CHD7: variants seen among roughly 807,000 people sequenced by gnomAD.
CHD7 encodes the protein ATP-dependent chromatin remodeler CHD7.
Under a neutral mutation model 307.3 loss-of-function variants are expected in CHD7, and 24 were observed. That is an observed-to-expected ratio of 0.08 (90% CI 0.06 to 0.11). CHD7 has a LOEUF of 0.11. Among genes scored for constraint, CHD7 ranks in the 10% least tolerant of loss-of-function variants. The pLI, the probability that CHD7 is intolerant of heterozygous loss-of-function variation, is 1.00. For missense variants in CHD7, 3,106 were observed against 3,727.1 expected, an observed-to-expected ratio of 0.83 and a Z score of 4.34; for synonymous variants, 1,363 against 1,349.9, an observed-to-expected ratio of 1.01 and a Z score of -0.21.
In CHD7 at chr8:60,856,547, A is replaced by G. The variant is rs1293236067; in HGVS notation, c.7267A>G (p.Met2423Val). Reference sequence around the variant, plus strand: ...TGCCAAGAGGCGAAATCTCATGGAGATGGTTGCCCAGCTTCGAGAGTCTCA... The same window carrying G: ...TGCCAAGAGGCGAAATCTCATGGAGGTGGTTGCCCAGCTTCGAGAGTCTCA... ...RAAKRRNLME[M>V]VAQLRESQVV... Residue 2423 changes from methionine (M) to valine (V), a missense_variant, in exon 34 of 38, where the codon ATG becomes GTG. Transcript: ENST00000423902. 1.2e-6 allele frequency: 2 copies of G among 1,614,022 alleles called. No homozygotes were observed. The highest frequency in any genetic ancestry group is 1.6e-4 in the Middle Eastern group (1 of 6,062).
chr8:60,836,340 G>T (rs569332819), intron 16 of CHD7, 57 bp downstream of exon 16: 7 of 1,378,276 alleles, frequency 5.1e-6, no homozygotes, highest in African/African-American at 1.4e-5. Context: ...CTTCCCAGGG[G>T]TCCAAGCAGT....
intron 2 of CHD7, among the ~76,000 whole-genome samples, chr8:60,774,531 C>T (rs1333730504): frequency 6.6e-6 from 1 of 152,192 alleles, no homozygotes; most frequent in Admixed American, 6.5e-5. Flanking sequence ...TTTGCTGGCC[C>T]AGCAGCGTGG....
In CHD7 at chr8:60,745,057, A is replaced by AACC. The variant is rs753403851; in HGVS notation, c.1665+1964_1665+1966dup. 6.6e-4 allele frequency among the ~76,000 whole-genome samples: 100 copies of AACC among 150,912 alleles called. No homozygotes were observed. In the Middle Eastern group the frequency reaches 0.014, roughly 21 times the overall value. On this transcript the variant is annotated intron_variant, in intron 2 of 37. Coordinates refer to ENST00000423902, the MANE Select transcript of CHD7 (RefSeq NM_017780.4). ...CTGAAGACCTTGGTGATCCTCATATAACCACCCTTGGTGATTCTTATATAA... is the reference window on the plus strand; with the variant it reads ...CTGAAGACCTTGGTGATCCTCATATAACCACCACCCTTGGTGATTCTTATATAA...
chr8:60,788,932 G>A (rs1811637321), intron 3 of CHD7, among the ~76,000 whole-genome samples: 1 of 152,002 alleles, frequency 6.6e-6, no homozygotes, highest in African/African-American at 2.4e-5. Context: ...TATTTTGTGG[G>A]GTTGATTTTA....
intron 3 of CHD7, among the ~76,000 whole-genome samples, chr8:60,785,890 C>G (rs779878645): frequency 2.6e-5 from 4 of 151,344 alleles, no homozygotes; most frequent in Non-Finnish European, 5.9e-5. Flanking sequence ...ATGATTTACT[C>G]TTGGTGGAAG....
chr8:60,828,988 T>C (rs1804379018), intron 14 of CHD7, among the ~76,000 whole-genome samples, 182 bp downstream of exon 14: 1 of 152,204 alleles, frequency 6.6e-6, no homozygotes, highest in Admixed American at 6.5e-5. Flanking sequence ...TCTTCTTTAT[T>C]TGTTTGTCTT....
chr8:60,712,026 A>G (rs1393737573), intron 1 of CHD7, among the ~76,000 whole-genome samples: 3 of 152,240 alleles, frequency 2.0e-5, no homozygotes, highest in Non-Finnish European at 4.4e-5. Context: ...AACATCTTCC[A>G]TATGCAGAGG....
At chr8:60,828,347 C>T (rs1163911041) in intron 13 of CHD7, among the ~76,000 whole-genome samples, 1 of 152,106 alleles carries the variant, frequency 6.6e-6, no homozygotes, top group Non-Finnish European at 1.5e-5. Flanking sequence ...AAAAACTTAA[C>T]TGGTGGGGAT....
intron 19 of CHD7, among the ~76,000 whole-genome samples, chr8:60,838,722 C>T (rs560733410): frequency 6.6e-6 from 1 of 152,204 alleles, no homozygotes; most frequent in South Asian, 2.1e-4. Flanking sequence ...CCTCTACTGT[C>T]TCCCTTTCTA....
Position 60,853,432 on chromosome 8 carries a change from G to A in CHD7, c.6707G>A (p.Gly2236Asp), listed in dbSNP as rs774000027. The change falls in exon 31 of 38, where the codon GGT becomes GAT. Residue 2236 changes from glycine (G) to aspartate (D), a missense_variant. Around this residue, in one of 10 missense-constraint regions of CHD7, gnomAD observed 1,030 missense variants for 1,165.4 expected, o/e 0.88. Coordinates refer to ENST00000423902, the MANE Select transcript of CHD7 (RefSeq NM_017780.4). ...DTGSKSISEK[G>D]SEEDEEEKLE... ...GGGTCCAAATCTATTTCAGAGAAAG[G>A]TTCCGAAGAGGATGAAGAGGAAAAG... The A allele has an allele frequency of 1.3e-6, 2 of 1,521,892 alleles. No homozygotes were observed. Among genetic ancestry groups the A allele is most frequent in the Non-Finnish European group, 1.8e-6 (2 of 1,138,788 alleles). 94.3% of individuals were successfully genotyped at this position (1,521,892 alleles called of 1,614,324 possible). A position where few individuals can be genotyped will look rare whatever the true frequency, so the allele number is the denominator to read the frequency against.
intron 1 of CHD7, among the ~76,000 whole-genome samples, chr8:60,740,118 C>G (rs1808919344): frequency 6.6e-6 from 1 of 152,186 alleles, no homozygotes; most frequent in Admixed American, 6.5e-5. Context: ...TTTAATCTGA[C>G]ACAGGATCTG....
chr8:60,762,087 G>A (rs13255216), intron 2 of CHD7, among the ~76,000 whole-genome samples: 15,297 of 152,142 alleles, frequency 0.1, 1,690 homozygotes, highest in African/African-American at 0.27. Flanking sequence ...AGACTCTTGG[G>A]TCTTAGTCTG....
chr8:60,730,556 T>A (rs1808394613), intron 1 of CHD7, among the ~76,000 whole-genome samples: 1 of 152,098 alleles, frequency 6.6e-6, no homozygotes, highest in Non-Finnish European at 1.5e-5. Context: ...GCGGTCAACT[T>A]TGGTATAGAA....
At chr8:60,739,883 T>TATCATC (rs1808906515) in intron 1 of CHD7, among the ~76,000 whole-genome samples, 1 of 152,214 alleles carries the variant, frequency 6.6e-6, no homozygotes, top group Non-Finnish European at 1.5e-5. Context: ...TTATCATCAC[T>TATCATC]TTGGAAATTC....
rs1805505156 is a variant in CHD7 at position 60,852,645 on chromosome 8, C to T, written c.6042C>T (p.Tyr2014=). 4 of 1,613,838 alleles carry T rather than the reference C, an allele frequency of 2.5e-6. No homozygotes were observed. In the Admixed American group the frequency reaches 5.0e-5, roughly 20 times the overall value. ...DKKSDESLEK[Y]FSCFVAMCRR... is the part of the protein sequence containing the mutation. ...AATCTGATGAGAGTTTGGAGAAATA[C>T]TTCAGTTGTTTTGTGGCCATGTGTA... is the stretch of plus-strand genomic sequence containing the variant. The change falls in exon 30 of 38, where the codon TAC becomes TAT. Residue 2014 remains tyrosine, a synonymous_variant. Transcript: ENST00000423902.
chr8:60,757,462 A>T (rs1203700193), intron 2 of CHD7, among the ~76,000 whole-genome samples: 7 of 152,210 alleles, frequency 4.6e-5, no homozygotes. Context: ...GTTTGTCTTC[A>T]TGACAATTAT....
At chr8:60,769,451 T>TGTGCCTATTGAAGATAC (rs1400198513) in intron 2 of CHD7, among the ~76,000 whole-genome samples, 1 of 152,206 alleles carries the variant, frequency 6.6e-6, no homozygotes, top group Non-Finnish European at 1.5e-5. Context: ...ATGTAAAATG[T>TGTGCCTATTGAAGATAC]GTGCCTATTG....
chr8:60,853,519 C>A lies in CHD7; in HGVS notation c.6775+19C>A. 1.3e-6 allele frequency: 2 copies of A among 1,496,380 alleles called. 1 individual carries two copies. Among genetic ancestry groups the A allele is most frequent in the Non-Finnish European group, 1.8e-6 (2 of 1,123,272 alleles). 92.7% of individuals were successfully genotyped at this position (1,496,380 alleles called of 1,614,324 possible). A position where few individuals can be genotyped will look rare whatever the true frequency, so the allele number is the denominator to read the frequency against. On this transcript the variant is annotated intron_variant, in intron 31 of 37. Coordinates refer to ENST00000423902, the MANE Select transcript of CHD7 (RefSeq NM_017780.4). Reference sequence around the variant, plus strand: ...CCCGAAGGTAAGGCCTTACCACTGGCCCCTCTCCTGACCCTGCAGCAGCTG... The same window carrying A: ...CCCGAAGGTAAGGCCTTACCACTGGACCCTCTCCTGACCCTGCAGCAGCTG...
At chr8:60,741,095 T>G (rs1289715248) in intron 1 of CHD7, among the ~76,000 whole-genome samples, 164 bp from the exon 2 acceptor site, 1 of 152,236 alleles carries the variant, frequency 6.6e-6, no homozygotes, top group Non-Finnish European at 1.5e-5. Flanking sequence ...AATGAGTTTC[T>G]CTTAAAGTGA....
Sources: gnomAD v4.1 joint callset for allele counts (sites outside exome capture counted in the v4.1 genomes callset) on GRCh38, gnomAD v4.1.1 for gene constraint, gnomAD v4.1.1 regional missense constraint, MANE v1.5 for transcripts, NCBI Gene and HGNC (gene_info 2026-07-23, HGNC 2026-07-21) for gene names.